KIF26B: variants seen among roughly 807,000 people sequenced by gnomAD.
KIF26B encodes the protein kinesin family member 26B.
KIF26B carries 63 observed loss-of-function variants against 151.2 expected under a neutral mutation model. The observed-to-expected ratio is 0.42, with a 90% CI of 0.34 to 0.51. The LOEUF (loss-of-function observed/expected upper bound fraction) is 0.51, where lower values mean the gene tolerates loss of function less well. Among genes scored for constraint, KIF26B ranks in the 20% least tolerant of loss-of-function variants. The pLI is 0.07. For missense variants in KIF26B, 2,813 were observed against 2,913.6 expected (o/e 0.97, Z 0.79); for synonymous variants, 1,357 against 1,262.1 (o/e 1.08, Z -1.59).
chr1:245,181,309 C>T (rs1415196223), intron 2 of KIF26B, among the ~76,000 whole-genome samples: 7 of 152,006 alleles, frequency 4.6e-5, no homozygotes, highest in African/African-American at 1.4e-4. Flanking sequence ...CCTGAGAAGG[C>T]GGCGTGTTCT....
intron 4 of KIF26B, among the ~76,000 whole-genome samples, chr1:245,490,097 A>G (rs115432608): frequency 0.017 from 2,589 of 152,262 alleles, 71 homozygotes; most frequent in African/African-American, 0.058. Flanking sequence ...CAGAGCAGTA[A>G]GTCAGTTTCA....
At chr1:245,633,984 A>G (rs1473317672) in intron 9 of KIF26B, among the ~76,000 whole-genome samples, 1 of 151,868 alleles carries the variant, frequency 6.6e-6, no homozygotes, top group Non-Finnish European at 1.5e-5. Context: ...TTCTTTTTGT[A>G]TCATTTTTCT....
intron 2 of KIF26B, among the ~76,000 whole-genome samples, chr1:245,321,247 T>C (rs1008859473): frequency 6.6e-6 from 1 of 152,224 alleles, no homozygotes; most frequent in Non-Finnish European, 1.5e-5. Context: ...GTTGTAACCA[T>C]GTACTGTGCC....
intron 5 of KIF26B, among the ~76,000 whole-genome samples, chr1:245,592,362 C>T (rs2043297212): frequency 6.6e-6 from 1 of 152,224 alleles, no homozygotes; most frequent in Non-Finnish European, 1.5e-5. Context: ...AAGAGCAGTC[C>T]AGGGCCAGGG....
chr1:245,303,676 A>C (rs1001286171), intron 2 of KIF26B, among the ~76,000 whole-genome samples: 1 of 152,256 alleles, frequency 6.6e-6, no homozygotes, highest in East Asian at 1.9e-4. Flanking sequence ...TATTAACTAA[A>C]GGTGCTGTGA....
intron 2 of KIF26B, among the ~76,000 whole-genome samples, chr1:245,198,755 G>A (rs1038123201): frequency 6.6e-6 from 1 of 151,472 alleles, no homozygotes; most frequent in African/African-American, 2.4e-5. Flanking sequence ...TGAGTGCTCA[G>A]TAAATGTTGT....
At chr1:245,593,682 T>A (rs980719663) in intron 5 of KIF26B, among the ~76,000 whole-genome samples, 17 of 152,328 alleles carry the variant, frequency 1.1e-4, no homozygotes, top group African/African-American at 3.8e-4. Flanking sequence ...TTTGGGTATA[T>A]ACCCAGTAAT....
At chr1:245,614,927 CG>C (rs200421895) in intron 9 of KIF26B, 1,405 of 39,660 alleles carry the variant, frequency 0.035, 69 homozygotes, top group African/African-American at 0.13. Context: ...CCTTTAAAAT[CG>C]GATAGGGATG....
intron 2 of KIF26B, among the ~76,000 whole-genome samples, chr1:245,184,877 A>T (rs1668973599): frequency 6.6e-6 from 1 of 152,214 alleles, no homozygotes; most frequent in Admixed American, 6.5e-5. Context: ...ACAGAGGTTT[A>T]TTATTGCTGT....
At chr1:245,695,482 G>A (rs567335854) in intron 12 of KIF26B, among the ~76,000 whole-genome samples, 6 of 152,242 alleles carry the variant, frequency 3.9e-5, no homozygotes, top group South Asian at 2.1e-4. Flanking sequence ...ATCCATTCAC[G>A]GGATTGAGGT....
intron 5 of KIF26B, among the ~76,000 whole-genome samples, chr1:245,578,748 T>C (rs142254993): frequency 3.0e-4 from 45 of 152,350 alleles, no homozygotes; most frequent in African/African-American, 1.1e-3. Flanking sequence ...TTGAGCTCCA[T>C]CTATAGCTCG....
intron 11 of KIF26B, among the ~76,000 whole-genome samples, chr1:245,684,904 G>A (rs12403283): frequency 0.023 from 3,553 of 152,304 alleles, 172 homozygotes; most frequent in East Asian, 0.11. Flanking sequence ...GAGTCTGCTG[G>A]ACATCGCTGG....
intron 2 of KIF26B, among the ~76,000 whole-genome samples, chr1:245,261,775 G>T (rs1384694697): frequency 1.3e-5 from 2 of 151,366 alleles, no homozygotes; most frequent in Non-Finnish European, 2.9e-5. Flanking sequence ...GTAGCGACAG[G>T]GTTTTGCCAT....
At position 245,419,648 on chromosome 1, in the gene KIF26B, G is replaced by C; in HGVS notation, c.1069G>C (p.Asp357His). The part of the protein sequence containing the change: ...TEAVLNRYNA[D>H]KPSACSVPAS... ...AGCAGTGCTGAACCGCTACAATGCA[G>C]ACAAGCCTTCCGCCTGCAGTGTCCC... Residue 357 changes from aspartate (D) to histidine (H), a missense_variant, in exon 4 of 15, where the codon GAC (aspartate) becomes CAC (histidine). Around this residue, in one of 3 missense-constraint regions of KIF26B, gnomAD observed 676 missense variants for 688.1 expected, o/e 0.98. Transcript: ENST00000407071. 1.2e-6 allele frequency: 2 copies of C among 1,613,964 alleles called. No homozygotes were observed. The highest frequency in any genetic ancestry group is 1.7e-6 in the Non-Finnish European group (2 of 1,179,864).
At position 245,537,050 on chromosome 1, in the gene KIF26B, G is replaced by C. The variant is rs185959415; in HGVS notation, c.1167-3717G>C. ...TCTCAAGGGGAGAGTATCAGTGTCAGGTTGTAAGAAGTGCCTGTGGGAGAC... is the reference window on the plus strand; with the variant it reads ...TCTCAAGGGGAGAGTATCAGTGTCACGTTGTAAGAAGTGCCTGTGGGAGAC... On this transcript the variant is annotated intron_variant, in intron 4 of 14. Coordinates refer to ENST00000407071, the MANE Select transcript of KIF26B (RefSeq NM_018012.4). Among the ~76,000 whole-genome samples the C allele has an allele frequency of 3.9e-5, 6 of 152,336 alleles. No homozygotes were observed. In the South Asian group the frequency reaches 1.0e-3, roughly 26 times the overall value.
At chr1:245,407,401 C>T (rs561489988) in intron 3 of KIF26B, among the ~76,000 whole-genome samples, 15 of 152,136 alleles carry the variant, frequency 9.9e-5, no homozygotes, top group East Asian at 3.9e-4. Context: ...TTTCTCTCCC[C>T]GCTTCCCATC....
Position 245,607,728 on chromosome 1 carries a change from C to G in KIF26B, c.1635C>G (p.Phe545Leu). ...VNGADGCVFC[F>L]GHAKLGKSYT... ...GGGCAGATGGCTGCGTGTTCTGTTT[C>G]GGCCACGCCAAACTGGGTTCGTGAG... The change falls in exon 7 of 15, where the codon TTC becomes TTG. Residue 545 changes from phenylalanine (F) to leucine (L), a missense_variant. By Grantham distance (22) the Phe-to-Leu change is conservative. Transcript: ENST00000407071. 1 of 1,612,290 alleles carries G rather than the reference C, an allele frequency of 6.2e-7. No homozygotes were observed. The highest frequency in any genetic ancestry group is 1.1e-5 in the South Asian group (1 of 90,480).
chr1:245,609,568 C>A (rs773150712), intron 8 of KIF26B, 40 bp downstream of exon 8: 1 of 1,466,550 alleles, frequency 6.8e-7, no homozygotes, highest in Non-Finnish European at 9.0e-7. Context: ...AAGGTGGCTC[C>A]CTCCCCACCT....
At chr1:245,422,107 A>C (rs1310755198) in intron 4 of KIF26B, among the ~76,000 whole-genome samples, 1 of 152,150 alleles carries the variant, frequency 6.6e-6, no homozygotes, top group Non-Finnish European at 1.5e-5. Flanking sequence ...AAAGAGCTGG[A>C]AAGGATCCCT....
Sources: allele counts gnomAD v4.1 joint callset (sites outside exome capture counted in the v4.1 genomes callset), GRCh38; gene constraint gnomAD v4.1.1; regional missense constraint gnomAD v4.1.1; transcripts MANE v1.5; gene names NCBI Gene and HGNC (gene_info 2026-07-23, HGNC 2026-07-21).